ZNF347: variants seen among roughly 807,000 people sequenced by gnomAD.
ZNF347 encodes the protein zinc finger protein 347.
A neutral mutation model predicts 12.9 loss-of-function variants in ZNF347; 19 were observed. The ratio of observed to expected loss-of-function variants is 1.47; its 90% confidence interval spans 1.03 to 2.16. The LOEUF (loss-of-function observed/expected upper bound fraction) is 2.16. ZNF347 is among the 30% of genes most tolerant of loss of function. The probability of loss-of-function intolerance (pLI) is 0.00; values close to 1 mark genes in which losing one functional copy is unlikely to be tolerated. For missense variants in ZNF347, 1,005 were observed against 990.6 expected (o/e 1.01, Z -0.19); for synonymous variants, 328 against 340.6 (o/e 0.96, Z 0.41).
chr19:53,157,796 C>T (rs2090545283), intron 1 of ZNF347, among the ~76,000 whole-genome samples: 1 of 152,202 alleles, frequency 6.6e-6, no homozygotes, highest in African/African-American at 2.4e-5. Flanking sequence ...CAAATCCCTC[C>T]TCCTCTCCCG....
chr19:53,153,632 C>CA, intron 2 of ZNF347, 101 bp downstream of exon 2: 2 of 1,513,330 alleles, frequency 1.3e-6, no homozygotes, highest in Non-Finnish European at 1.8e-6. Flanking sequence ...GCAAACCTGT[C>CA]AGGCAGGACG....
rs2090414653 is a variant in ZNF347, at chr19:53,140,525, T to C, written c.2303A>G (p.Asn768Ser). ...TTGACTAAAGGCTTTGCCACACTCA[T>C]TACACTTGTAAGGTTTCTCTCCAGT... is the stretch of plus-strand genomic sequence containing the variant. ...IHTGEKPYKCNECGKAFSQTS... is the reference protein window; with the variant it reads ...IHTGEKPYKCSECGKAFSQTS... Residue 768 changes from asparagine to serine, a missense_variant, in exon 5 of 5, where the codon AAT becomes AGT. Coordinates refer to ENST00000334197, the MANE Select transcript of ZNF347 (RefSeq NM_032584.3). 1 of 1,613,782 alleles carries C rather than the reference T, an allele frequency of 6.2e-7. No homozygotes were observed. Among genetic ancestry groups the C allele is most frequent in the Non-Finnish European group, 8.5e-7 (1 of 1,179,924 alleles).
chr19:53,155,185 G>A (rs1280581339), intron 1 of ZNF347, among the ~76,000 whole-genome samples: 5 of 151,806 alleles, frequency 3.3e-5, no homozygotes, highest in African/African-American at 9.7e-5. Flanking sequence ...GGATCCACCT[G>A]CCTTGGCCTC....
rs574293468 is a variant in ZNF347 at position 53,147,558 on chromosome 19, T to C, written c.271+1123A>G. Among the ~76,000 whole-genome samples, 134 of 150,512 alleles carry C rather than the reference T, an allele frequency of 8.9e-4. 1 individual carries two copies. The highest frequency in any genetic ancestry group is 3.2e-3 in the African/African-American group (132 of 40,634). Reference sequence around the variant, plus strand: ...GGGTGAGATAGAGAGAGAGAGACTATCTCAAATAATAATAATAATAATAAT... The same window carrying C: ...GGGTGAGATAGAGAGAGAGAGACTACCTCAAATAATAATAATAATAATAAT... On this transcript the variant is annotated intron_variant, in intron 4 of 4. Coordinates refer to ENST00000334197, the MANE Select transcript of ZNF347 (RefSeq NM_032584.3).
In ZNF347 at chr19:53,153,733, C is replaced by G; in HGVS notation, c.15G>C (p.Gln5His). 1 of 1,613,908 alleles carries G rather than the reference C, an allele frequency of 6.2e-7. No individual in the cohort carries two copies. The highest frequency in any genetic ancestry group is 8.5e-7 in the Non-Finnish European group (1 of 1,179,778). Residue 5 changes from glutamine to histidine, a missense_variant and splice_region_variant, in exon 2 of 5, where the codon CAG becomes CAC. Coordinates refer to ENST00000334197, the MANE Select transcript of ZNF347 (RefSeq NM_032584.3). ...CAATCCACTGATAATATTACCTTACCTGGGTGAGAGCCATGCCTGACTTGT... is the reference window on the plus strand; with the variant it reads ...CAATCCACTGATAATATTACCTTACGTGGGTGAGAGCCATGCCTGACTTGT... MALT[Q>H]GQVTFRDVAI...
intron 2 of ZNF347, 162 bp from the exon 3 acceptor site, chr19:53,149,529 A>T: frequency 7.4e-6 from 10 of 1,343,350 alleles, no homozygotes; most frequent in Non-Finnish European, 9.8e-6. Context: ...CCTGACATAC[A>T]TCTCACTTGG....
At position 53,148,729 on chromosome 19, in the gene ZNF347, T is replaced by C; in HGVS notation, c.223A>G (p.Ile75Val). The change falls in exon 4 of 5, where the codon ATA becomes GTA. Residue 75 changes from isoleucine to valine, a missense_variant. By Grantham distance (29) the Ile-to-Val change is conservative (BLOSUM62 3). Transcript: ENST00000334197. Reference sequence around the variant, plus strand: ...TCCCATCCATCTGGGTTTCCTGCTATTTGTACTTGGCTCTCCAAAGTGAAA... The same window carrying C: ...TCCCATCCATCTGGGTTTCCTGCTACTTGTACTTGGCTCTCCAAAGTGAAA... ...EPFTLESQVQ[I>V]AGNPDGWEWI... is the part of the protein sequence containing the mutation. The C allele has an allele frequency of 6.2e-7, 1 of 1,614,078 alleles. No individual in the cohort carries two copies. The highest frequency in any genetic ancestry group is 8.5e-7 in the Non-Finnish European group (1 of 1,179,950).
At chr19:53,151,899 C>T (rs2090500519) in intron 2 of ZNF347, among the ~76,000 whole-genome samples, 1 of 151,954 alleles carries the variant, frequency 6.6e-6, no homozygotes, top group Admixed American at 6.6e-5. Context: ...TCGAGACCAG[C>T]CTGACCAACA....
At chr19:53,148,641 T>C in intron 4 of ZNF347, 40 bp downstream of exon 4, 3 of 1,590,246 alleles carry the variant, frequency 1.9e-6, no homozygotes, top group Non-Finnish European at 2.6e-6. Flanking sequence ...CCAAACACTA[T>C]TTAATAAACG....
chr19:53,148,936 T>C, intron 3 of ZNF347, 127 bp from the exon 4 acceptor site: 2 of 1,305,478 alleles, frequency 1.5e-6, no homozygotes, highest in East Asian at 4.8e-5. Context: ...ATCCACTAAA[T>C]GCTTCTTTAT....
At chr19:53,147,607 G>T (rs2090471529) in intron 4 of ZNF347, among the ~76,000 whole-genome samples, 1 of 151,596 alleles carries the variant, frequency 6.6e-6, no homozygotes, top group African/African-American at 2.4e-5. Flanking sequence ...AAAAAATAAA[G>T]AATACTAATT....
chr19:53,156,395 T>C (rs2090536239), intron 1 of ZNF347, among the ~76,000 whole-genome samples: 1 of 150,778 alleles, frequency 6.6e-6, no homozygotes, highest in African/African-American at 2.4e-5. Flanking sequence ...AGAGCGAGAC[T>C]GTTTCAAAAA....
chr19:53,142,099 G>C lies in ZNF347; in HGVS notation c.729C>G (p.Ile243Met). ...HISKKYLKDF[I>M]SSLLLTQGQK... The stretch of plus-strand genomic sequence containing the variant: ...GCCCCTGTGTGAGTAATAAAGAAGA[G>C]ATAAAATCTTTGAGATATTTCTTAG... The change falls in exon 5 of 5, where the codon ATC becomes ATG. Residue 243 changes from isoleucine to methionine, a missense_variant. Physicochemically the swap from Ile to Met is conservative, Grantham distance 10 (BLOSUM62 1). Coordinates refer to ENST00000334197, the MANE Select transcript of ZNF347 (RefSeq NM_032584.3). The C allele has an allele frequency of 6.2e-7, 1 of 1,612,776 alleles. No homozygotes were observed. Among genetic ancestry groups the C allele is most frequent in the South Asian group, 1.1e-5 (1 of 90,596 alleles).
intron 1 of ZNF347, among the ~76,000 whole-genome samples, chr19:53,156,029 C>T (rs2090531517): frequency 8.8e-6 from 1 of 113,076 alleles, no homozygotes. Flanking sequence ...AGGGGACTCC[C>T]AGGGGACTCC....
intron 1 of ZNF347, among the ~76,000 whole-genome samples, chr19:53,154,582 T>C (rs1418416749): frequency 2.6e-5 from 4 of 151,994 alleles, no homozygotes; most frequent in Non-Finnish European, 5.9e-5. Context: ...AAGCATAATG[T>C]GATTAGGGAG....
rs2090406640 is a variant in ZNF347, at chr19:53,139,607, T to A, written c.*701A>T. 6.6e-6 allele frequency: 1 copy of A among 152,192 alleles called. No individual in the cohort carries two copies. Among genetic ancestry groups the A allele is most frequent in the Non-Finnish European group, 1.5e-5 (1 of 68,016 alleles). The allele number at this position is 152,192 out of a possible 1,614,324, so 9.4% of individuals were successfully genotyped here. The stretch of plus-strand genomic sequence containing the variant: ...TCTTAAGTTTTACCATATTGGAACG[T>A]GTAATTATTGTGCAGTTTATCATTT... On this transcript the variant is annotated 3_prime_UTR_variant, in exon 5 of 5. Transcript: ENST00000334197.
chr19:53,158,351 G>A (rs763918670), intron 1 of ZNF347, among the ~76,000 whole-genome samples: 2 of 152,202 alleles, frequency 1.3e-5, no homozygotes, highest in African/African-American at 2.4e-5. Flanking sequence ...CGCCGGTACC[G>A]GGGCTGAGGA....
chr19:53,154,078 C>A (rs1336441952), intron 1 of ZNF347, among the ~76,000 whole-genome samples: 1 of 152,126 alleles, frequency 6.6e-6, no homozygotes, highest in African/African-American at 2.4e-5. Context: ...GGGAGCTGGG[C>A]TGGACTGAGC....
Position 53,149,058 on chromosome 19 carries a change from C to T in ZNF347, c.142+183G>A, listed in dbSNP as rs547232915. The T allele has an allele frequency of 3.1e-6, 4 of 1,284,266 alleles. No individual in the cohort carries two copies. In the African/African-American group the frequency reaches 6.0e-5, roughly 19 times the overall value. 79.6% of individuals were successfully genotyped at this position (1,284,266 alleles called of 1,614,324 possible). A position where few individuals can be genotyped will look rare whatever the true frequency, so the allele number is the denominator to read the frequency against. The stretch of plus-strand genomic sequence containing the variant: ...ATTGGATATTTTAAAAGTCCTGAAA[C>T]CCTCCAGTGACATCAGGAAGAGGAA... On this transcript the variant is annotated intron_variant, in intron 3 of 4. Coordinates refer to ENST00000334197, the MANE Select transcript of ZNF347 (RefSeq NM_032584.3).
Sources: gnomAD v4.1 joint callset for allele counts (sites outside exome capture counted in the v4.1 genomes callset) on GRCh38, gnomAD v4.1.1 for gene constraint, MANE v1.5 for transcripts, NCBI Gene and HGNC (gene_info 2026-07-23, HGNC 2026-07-21) for gene names.